Variants in CPNE4 observed in about 807,000 individuals in gnomAD.
The protein encoded by CPNE4 is copine-4.
Under a neutral mutation model 67.9 loss-of-function variants are expected in CPNE4, and 25 were observed. That is an observed-to-expected ratio of 0.37 (90% CI 0.27 to 0.51). CPNE4 has a LOEUF of 0.51. CPNE4 is among the 20% of genes least tolerant of loss of function. The pLI, the probability that CPNE4 is intolerant of heterozygous loss-of-function variation, is 0.93. For missense variants in CPNE4, 464 were observed against 690.8 expected, an observed-to-expected ratio of 0.67 and a Z score of 3.68; for synonymous variants, 242 against 244.9, an observed-to-expected ratio of 0.99 and a Z score of 0.11.
intron 1 of CPNE4, among the ~76,000 whole-genome samples, chr3:131,906,954 G>A (rs2088794119): frequency 6.6e-6 from 1 of 151,928 alleles, no homozygotes; most frequent in Non-Finnish European, 1.5e-5. Flanking sequence ...TCTAACTGGT[G>A]TGAGATGGTA....
chr3:131,815,063 G>A (rs1006692984), intron 2 of CPNE4, among the ~76,000 whole-genome samples: 5 of 152,286 alleles, frequency 3.3e-5, no homozygotes, highest in Middle Eastern at 3.4e-3. Flanking sequence ...AGTTAAATAC[G>A]TATAGTTTAG....
intron 2 of CPNE4, among the ~76,000 whole-genome samples, chr3:131,751,335 A>T (rs903780695): frequency 3.3e-5 from 5 of 151,836 alleles, no homozygotes; most frequent in African/African-American, 1.2e-4. Context: ...CATTGTTTTC[A>T]ATCTATTTTT....
At chr3:131,761,582 T>C (rs1168516030) in intron 2 of CPNE4, among the ~76,000 whole-genome samples, 2 of 151,882 alleles carry the variant, frequency 1.3e-5, no homozygotes, top group East Asian at 3.9e-4. Flanking sequence ...TTGGCAGAGG[T>C]TGGGGATGGC....
rs564681333 is a variant in CPNE4 at position 131,688,927 on chromosome 3, T to G, written c.508-2969A>C. Among the ~76,000 whole-genome samples, 97 of 152,364 alleles carry G rather than the reference T, an allele frequency of 6.4e-4. 1 individual carries two copies. The highest frequency in any genetic ancestry group is 2.2e-3 in the African/African-American group (93 of 41,590). On this transcript the variant is annotated intron_variant, in intron 5 of 15. Transcript: ENST00000429747. ...TTAGTACCCTATTTCTTTTGCTTGTTGTATACATATTTACATGTTGTATAT... is the reference window on the plus strand; with the variant it reads ...TTAGTACCCTATTTCTTTTGCTTGTGGTATACATATTTACATGTTGTATAT...
At chr3:131,608,697 T>C (rs1462262474) in intron 7 of CPNE4, among the ~76,000 whole-genome samples, 1 of 152,142 alleles carries the variant, frequency 6.6e-6, no homozygotes, top group African/African-American at 2.4e-5. Flanking sequence ...TCTGTATGAA[T>C]ATATGTATAT....
intron 2 of CPNE4, among the ~76,000 whole-genome samples, chr3:131,800,406 T>C (rs1331511837): frequency 6.6e-6 from 1 of 152,178 alleles, no homozygotes; most frequent in Non-Finnish European, 1.5e-5. Context: ...TATTCTTAGC[T>C]CCTTGCAAGT....
chr3:131,959,558 C>T (rs925221748), intron 1 of CPNE4, among the ~76,000 whole-genome samples: 13 of 152,214 alleles, frequency 8.5e-5, no homozygotes, highest in African/African-American at 2.6e-4. Context: ...ATCCAGGGAC[C>T]ACTGAGGAAC....
chr3:131,944,432 G>A (rs930051776), intron 1 of CPNE4, among the ~76,000 whole-genome samples: 1 of 151,992 alleles, frequency 6.6e-6, no homozygotes, highest in Non-Finnish European at 1.5e-5. Flanking sequence ...TGACTGTAAG[G>A]TCTTCCTGCC....
At chr3:131,807,776 A>C (rs2084374330) in intron 2 of CPNE4, among the ~76,000 whole-genome samples, 1 of 152,196 alleles carries the variant, frequency 6.6e-6, no homozygotes, top group Non-Finnish European at 1.5e-5. Context: ...ATTTTTTAAA[A>C]TGAACATGTA....
intron 1 of CPNE4, among the ~76,000 whole-genome samples, chr3:131,953,238 T>A (rs376250778): frequency 7.9e-5 from 6 of 75,692 alleles, no homozygotes; most frequent in East Asian, 3.2e-4. Context: ...GAATGATCAA[T>A]TAAAAAAAAA....
At chr3:131,648,208 C>T (rs933468883) in intron 7 of CPNE4, among the ~76,000 whole-genome samples, 18 of 152,030 alleles carry the variant, frequency 1.2e-4, no homozygotes, top group Non-Finnish European at 2.6e-4. Flanking sequence ...CCTAACTCTA[C>T]AAAAAACACA....
At chr3:132,023,412 T>A (rs575004979) in intron 1 of CPNE4, among the ~76,000 whole-genome samples, 14 of 152,210 alleles carry the variant, frequency 9.2e-5, no homozygotes, top group Non-Finnish European at 1.5e-4. Context: ...ATTGATACTT[T>A]AATTGTTGCT....
At chr3:131,722,248 G>A (rs2081905937) in intron 3 of CPNE4, among the ~76,000 whole-genome samples, 2 of 152,100 alleles carry the variant, frequency 1.3e-5, no homozygotes, top group African/African-American at 4.8e-5. Flanking sequence ...GACAGGAGGT[G>A]AACCCAGATT....
rs530819175 is a variant in CPNE4, at chr3:131,794,584, G to A, written c.181-70959C>T. ...GGGATGTGGTTGACTTTGGTATAAA[G>A]CCCTTAGTGGTAGAATGAATTTCAA... On this transcript the variant is annotated intron_variant, in intron 2 of 15. Transcript: ENST00000429747. Among the ~76,000 whole-genome samples the A allele has an allele frequency of 3.3e-5, 5 of 152,270 alleles. No individual in the cohort carries two copies. The East Asian group carries it at 9.7e-4, about 29-fold the overall frequency.
chr3:131,870,926 A>T (rs1426276853), intron 2 of CPNE4, among the ~76,000 whole-genome samples: 3 of 152,156 alleles, frequency 2.0e-5, no homozygotes, highest in East Asian at 1.9e-4. Context: ...TTCTAGGTGA[A>T]CACAAGCTTT....
chr3:131,964,581 G>A (rs1168277135), intron 1 of CPNE4, among the ~76,000 whole-genome samples: 4 of 151,556 alleles, frequency 2.6e-5, no homozygotes, highest in African/African-American at 9.7e-5. Flanking sequence ...AAGCATACAC[G>A]AGCATCAATA....
At chr3:131,738,854 C>CTTTT (rs34053204) in intron 2 of CPNE4, among the ~76,000 whole-genome samples, 1 of 140,144 alleles carries the variant, frequency 7.1e-6, no homozygotes, top group Non-Finnish European at 1.5e-5. Context: ...TTTTCTTTTT[C>CTTTT]TTTTTTTTTT....
intron 5 of CPNE4, among the ~76,000 whole-genome samples, chr3:131,695,687 T>C (rs886583135): frequency 6.6e-6 from 1 of 152,228 alleles, no homozygotes. Flanking sequence ...CTGACATCTA[T>C]GCACACTGCA....
intron 7 of CPNE4, among the ~76,000 whole-genome samples, chr3:131,657,426 T>C (rs2079999597): frequency 6.6e-6 from 1 of 152,228 alleles, no homozygotes; most frequent in African/African-American, 2.4e-5. Flanking sequence ...GTCATACTTT[T>C]AACTTTTTGA....
Sources: allele counts gnomAD v4.1 joint callset (sites outside exome capture counted in the v4.1 genomes callset), GRCh38; gene constraint gnomAD v4.1.1; transcripts MANE v1.5; gene names NCBI Gene and HGNC (gene_info 2026-07-23, HGNC 2026-07-21).